The following PVT1 variants were observed in gnomAD, a reference collection of about 807,000 sequenced individuals.
PVT1 encodes Pvt1 oncogene, also known as CXCR4/PVT1 fusion.
At chr8:127,844,904 G>A (rs1351370587) in intron 2 of PVT1, among the ~76,000 whole-genome samples, 3 of 151,992 alleles carry the variant, frequency 2.0e-5, no homozygotes, top group African/African-American at 7.2e-5. Context: ...TAGTAGAGAC[G>A]GGGTTTCACT....
chr8:128,084,686 C>T (rs376027607), intron 5 of PVT1, among the ~76,000 whole-genome samples: 1 of 152,198 alleles, frequency 6.6e-6, no homozygotes, highest in African/African-American at 2.4e-5. Context: ...GTATAGCTGA[C>T]AGAATTCTAA....
intron 4 of PVT1, among the ~76,000 whole-genome samples, chr8:128,006,227 C>T (rs4275199): frequency 0.65 from 97,861 of 151,286 alleles, 32,066 homozygotes; most frequent in African/African-American, 0.73. Flanking sequence ...TCCCACTTCT[C>T]GGAGTCTGTA....
At chr8:128,088,788 C>G (rs1814310876) in intron 5 of PVT1, among the ~76,000 whole-genome samples, 1 of 152,220 alleles carries the variant, frequency 6.6e-6, no homozygotes, top group African/African-American at 2.4e-5. Flanking sequence ...CTCGTTCTTT[C>G]ACTTATTGCC....
At chr8:128,028,658 C>T (rs757376412) in intron 4 of PVT1, among the ~76,000 whole-genome samples, 1 of 152,182 alleles carries the variant, frequency 6.6e-6, no homozygotes, top group Non-Finnish European at 1.5e-5. Context: ...GCACCCAGTT[C>T]ACCGGCACAG....
chr8:127,839,877 G>A (rs1814953419), intron 2 of PVT1, among the ~76,000 whole-genome samples: 1 of 152,184 alleles, frequency 6.6e-6, no homozygotes. Context: ...ATGTGGAGAG[G>A]GACCTGTCAC....
intron 4 of PVT1, among the ~76,000 whole-genome samples, chr8:128,033,082 G>A (rs1483256956): frequency 6.6e-6 from 1 of 152,212 alleles, no homozygotes; most frequent in Non-Finnish European, 1.5e-5. Flanking sequence ...CATCTCAACT[G>A]TCCCTCAGGC....
chr8:127,817,540 T>TAC (rs1239230041), intron 2 of PVT1, among the ~76,000 whole-genome samples: 20 of 55,592 alleles, frequency 3.6e-4, no homozygotes, highest in Non-Finnish European at 5.9e-4. Flanking sequence ...TATATATATA[T>TAC]ATATATACAC....
chr8:127,858,357 A>G (rs1482660304), intron 2 of PVT1, among the ~76,000 whole-genome samples: 1 of 152,022 alleles, frequency 6.6e-6, no homozygotes, highest in Non-Finnish European at 1.5e-5. Context: ...CAGTGAGCGG[A>G]TATTGTGCCA....
intron 4 of PVT1, among the ~76,000 whole-genome samples, chr8:128,016,853 A>G (rs1817380271): frequency 6.6e-6 from 1 of 152,188 alleles, no homozygotes; most frequent in African/African-American, 2.4e-5. Flanking sequence ...CTCAGTCTGG[A>G]TGAGGATGAG....
chr8:127,825,743 C>T (rs1814780445), intron 2 of PVT1, among the ~76,000 whole-genome samples: 1 of 152,204 alleles, frequency 6.6e-6, no homozygotes, highest in Admixed American at 6.5e-5. Context: ...CTCAACCTTG[C>T]TCAGTACATA....
At chr8:127,957,868 T>C (rs1017644974) in intron 3 of PVT1, among the ~76,000 whole-genome samples, 1 of 152,332 alleles carries the variant, frequency 6.6e-6, no homozygotes, top group Non-Finnish European at 1.5e-5. Flanking sequence ...CTTTCCAGCT[T>C]CCCTGCCGTG....
intron 2 of PVT1, among the ~76,000 whole-genome samples, chr8:127,801,355 C>T (rs184636635): frequency 1.3e-5 from 2 of 152,262 alleles, no homozygotes; most frequent in Non-Finnish European, 2.9e-5. Flanking sequence ...AATCCTTACA[C>T]CTCAGCCTCC....
At chr8:127,931,051 C>T (rs1199328573) in intron 3 of PVT1, among the ~76,000 whole-genome samples, 3 of 152,124 alleles carry the variant, frequency 2.0e-5, no homozygotes, top group African/African-American at 7.2e-5. Context: ...ACTACAGGTG[C>T]GCTCCACCAC....
chr8:127,929,199 G>GTTTTTT, intron 3 of PVT1, among the ~76,000 whole-genome samples: 1 of 138,144 alleles, frequency 7.2e-6, no homozygotes, highest in East Asian at 2.1e-4. Context: ...TCATTTTTCT[G>GTTTTTT]TTTTTTTTTT....
At chr8:127,904,155 A>G (rs1563635129) in intron 3 of PVT1, among the ~76,000 whole-genome samples, 1 of 152,142 alleles carries the variant, frequency 6.6e-6, no homozygotes, top group Non-Finnish European at 1.5e-5. Context: ...GTTAGAAAGT[A>G]TTACTAGATA....
intron 4 of PVT1, among the ~76,000 whole-genome samples, chr8:128,061,702 A>G (rs1322929060): frequency 6.6e-6 from 1 of 152,216 alleles, no homozygotes; most frequent in African/African-American, 2.4e-5. Context: ...CGGTGCTAGA[A>G]GTCAGTACAG....
intron 5 of PVT1, among the ~76,000 whole-genome samples, chr8:128,078,963 TTTTTG>T (rs140784731): frequency 0.018 from 2,663 of 151,566 alleles, 66 homozygotes; most frequent in African/African-American, 0.061. Context: ...AGTTAGGGTT[TTTTTG>T]TTTTGTTTTG....
chr8:127,986,295 T>G (rs1365744332), intron 3 of PVT1, among the ~76,000 whole-genome samples: 1 of 152,178 alleles, frequency 6.6e-6, no homozygotes. Flanking sequence ...TTGGAGGTCC[T>G]GAGTCAGCCT....
chr8:127,869,652 A>G (rs911499640), intron 2 of PVT1, among the ~76,000 whole-genome samples: 1 of 152,172 alleles, frequency 6.6e-6, no homozygotes, highest in African/African-American at 2.4e-5. Flanking sequence ...CTGCTACTTC[A>G]TAACCTGCAA....
Sources: gnomAD v4.1 joint callset for allele counts (sites outside exome capture counted in the v4.1 genomes callset) on GRCh38, gnomAD v4.1.1 for gene constraint, MANE v1.5 for transcripts, NCBI Gene and HGNC (gene_info 2026-07-23, HGNC 2026-07-21) for gene names.